The following NDST3 variants were observed in gnomAD, a reference collection of about 807,000 sequenced individuals.
NDST3 encodes the protein bifunctional heparan sulfate N-deacetylase/N-sulfotransferase 3.
NDST3 carries 58 observed loss-of-function variants against 96.1 expected under a neutral mutation model. That is an observed-to-expected ratio of 0.60 (90% confidence interval 0.49 to 0.75). The LOEUF (loss-of-function observed/expected upper bound fraction) is 0.75. Among genes scored for constraint, NDST3 ranks in the 30% least tolerant of loss-of-function variants. NDST3 has a pLI of 0.00. For missense variants in NDST3, 788 were observed against 1,034.2 expected (o/e 0.76, Z 3.27); for synonymous variants, 333 against 359.7 (o/e 0.93, Z 0.84).
chr4:118,048,936 G>A lies in NDST3; in HGVS notation c.-155-4820G>A, dbSNP rs1196826197. Among the ~76,000 whole-genome samples, 3 of 152,146 alleles carry A rather than the reference G, an allele frequency of 2.0e-5. No homozygotes were observed. In the South Asian group the frequency reaches 6.2e-4, roughly 32 times the overall value. Reference sequence around the variant, plus strand: ...CACAAAATACACATATTTTTCATCTGCACATAAAACATATTCTAAGACTGA... The same window carrying A: ...CACAAAATACACATATTTTTCATCTACACATAAAACATATTCTAAGACTGA... On this transcript the variant is annotated intron_variant, in intron 1 of 13. Coordinates refer to ENST00000296499, the MANE Select transcript of NDST3 (RefSeq NM_004784.3).
At chr4:118,233,276 A>G in intron 9 of NDST3, 141 bp downstream of exon 9, 1 of 685,780 alleles carries the variant, frequency 1.5e-6, no homozygotes, top group Non-Finnish European at 2.1e-6. Context: ...TGAATATCAT[A>G]AAGGGGCTCA....
At chr4:118,130,160 T>A (rs902872391) in intron 4 of NDST3, among the ~76,000 whole-genome samples, 1 of 152,116 alleles carries the variant, frequency 6.6e-6, no homozygotes, top group Non-Finnish European at 1.5e-5. Flanking sequence ...TGTCTTTTGA[T>A]CAGAGAGTTT....
intron 6 of NDST3, among the ~76,000 whole-genome samples, chr4:118,198,262 T>C (rs539410377): frequency 8.5e-5 from 13 of 152,322 alleles, no homozygotes; most frequent in Admixed American, 7.8e-4. Context: ...TGTCTTTCTT[T>C]TTGCGAAGGT....
At chr4:118,094,440 C>G (rs1729129650) in intron 2 of NDST3, among the ~76,000 whole-genome samples, 1 of 151,762 alleles carries the variant, frequency 6.6e-6, no homozygotes, top group Admixed American at 6.6e-5. Context: ...TTTGTCTGAG[C>G]CCTTCTTTTT....
chr4:118,244,870 G>A (rs189295428), intron 12 of NDST3, among the ~76,000 whole-genome samples: 9 of 152,172 alleles, frequency 5.9e-5, no homozygotes, highest in Non-Finnish European at 1.2e-4. Flanking sequence ...GTTATCATGG[G>A]TGTTAAATGA....
At chr4:118,220,599 G>A (rs897227234) in intron 6 of NDST3, among the ~76,000 whole-genome samples, 11 of 151,882 alleles carry the variant, frequency 7.2e-5, no homozygotes, top group South Asian at 2.1e-4. Context: ...CTTGTATCCC[G>A]GAACTTAAAG....
In NDST3 at chr4:118,174,895, T is replaced by C. The variant is rs559884288; in HGVS notation, c.1539+31211T>C. Among the ~76,000 whole-genome samples the C allele has an allele frequency of 3.7e-4, 56 of 152,268 alleles. No individual in the cohort carries two copies. In the South Asian group the frequency reaches 0.011, roughly 30 times the overall value. ...TCTTGCCTGCCTCTCCACTGTCACC[T>C]ATAATTTTGTCATTTCTTTTGCTCT... On this transcript the variant is annotated intron_variant, in intron 6 of 13. Coordinates refer to ENST00000296499, the MANE Select transcript of NDST3 (RefSeq NM_004784.3).
At chr4:118,251,190 A>G (rs984501002) in intron 12 of NDST3, among the ~76,000 whole-genome samples, 6 of 142,652 alleles carry the variant, frequency 4.2e-5, no homozygotes, top group Admixed American at 1.5e-4. Context: ...GCAGTGGCAC[A>G]ATCTCGGCTC....
At chr4:118,143,008 T>C (rs1291896492) in intron 5 of NDST3, among the ~76,000 whole-genome samples, 1 of 152,196 alleles carries the variant, frequency 6.6e-6, no homozygotes, top group Non-Finnish European at 1.5e-5. Flanking sequence ...GTAATTACTA[T>C]AGCCTGCAGT....
chr4:118,142,860 T>A lies in NDST3; in HGVS notation c.1411-696T>A, dbSNP rs191302295. 6.1e-3 allele frequency among the ~76,000 whole-genome samples: 933 copies of A among 152,294 alleles called. 18 individuals are homozygous for A. The highest frequency in any genetic ancestry group is 0.021 in the African/African-American group (888 of 41,568). ...ATATAATTGAAGCAGATAATACATA[T>A]ATACAAAGGATGAAGAGAAGACCTC... On this transcript the variant is annotated intron_variant, in intron 5 of 13. Coordinates refer to ENST00000296499, the MANE Select transcript of NDST3 (RefSeq NM_004784.3).
chr4:118,155,045 G>T (rs1734634712), intron 6 of NDST3, among the ~76,000 whole-genome samples: 2 of 152,136 alleles, frequency 1.3e-5, no homozygotes, highest in African/African-American at 2.4e-5. Context: ...TACGAATAAA[G>T]AACTATGTTC....
intron 4 of NDST3, among the ~76,000 whole-genome samples, chr4:118,135,177 C>T (rs1021678153): frequency 8.5e-5 from 13 of 152,226 alleles, no homozygotes; most frequent in African/African-American, 2.9e-4. Flanking sequence ...TTAAAAGCAG[C>T]CCCCTACTAA....
At chr4:118,255,261 A>G (rs1332862308) in intron 13 of NDST3, among the ~76,000 whole-genome samples, 1 of 152,142 alleles carries the variant, frequency 6.6e-6, no homozygotes, top group Non-Finnish European at 1.5e-5. Flanking sequence ...TATTGGGTTT[A>G]TTTAAGGGAG....
intron 6 of NDST3, among the ~76,000 whole-genome samples, chr4:118,191,589 T>C (rs183231643): frequency 1.3e-5 from 2 of 152,280 alleles, no homozygotes; most frequent in East Asian, 3.9e-4. Flanking sequence ...CTACTTAATT[T>C]TTGTGGGTAT....
At chr4:118,229,651 G>A (rs1216721382) in intron 8 of NDST3, among the ~76,000 whole-genome samples, 2 of 152,068 alleles carry the variant, frequency 1.3e-5, no homozygotes, top group African/African-American at 4.8e-5. Context: ...TATTAAAAGT[G>A]AACAAATGTA....
intron 1 of NDST3, among the ~76,000 whole-genome samples, chr4:118,042,746 G>C (rs1724538831): frequency 6.6e-6 from 1 of 152,142 alleles, no homozygotes; most frequent in African/African-American, 2.4e-5. Flanking sequence ...CCTTGCCAGG[G>C]AGTTTTGCCT....
At chr4:118,134,372 C>G (rs1267463576) in intron 4 of NDST3, among the ~76,000 whole-genome samples, 1 of 152,154 alleles carries the variant, frequency 6.6e-6, no homozygotes, top group African/African-American at 2.4e-5. Context: ...TAGACAGTCA[C>G]ATAATCATAT....
chr4:118,237,125 G>C lies in NDST3; in HGVS notation c.2023G>C (p.Glu675Gln). The C allele has an allele frequency of 6.2e-7, 1 of 1,613,414 alleles. No homozygotes were observed. Among genetic ancestry groups the C allele is most frequent in the Non-Finnish European group, 8.5e-7 (1 of 1,179,612 alleles). ...FEKSANYFHS[E>Q]EAPKRAASLV... is the part of the protein sequence containing the mutation. ...GAAGAGTGCCAATTACTTCCACTCA[G>C]AGGAAGCCCCTAAAAGAGCTGCTTC... The change falls in exon 10 of 14, where the codon GAG (glutamate) becomes CAG (glutamine). Residue 675 changes from glutamate (E) to glutamine (Q), a missense_variant. Coordinates refer to ENST00000296499, the MANE Select transcript of NDST3 (RefSeq NM_004784.3).
chr4:118,168,445 CA>C (rs1181219995), intron 6 of NDST3, among the ~76,000 whole-genome samples: 1 of 151,804 alleles, frequency 6.6e-6, no homozygotes, highest in Non-Finnish European at 1.5e-5. Context: ...TACATACATA[CA>C]AAAGTCACTA....
Sources: allele counts gnomAD v4.1 joint callset (sites outside exome capture counted in the v4.1 genomes callset), GRCh38; gene constraint gnomAD v4.1.1; transcripts MANE v1.5; gene names NCBI Gene and HGNC (gene_info 2026-07-23, HGNC 2026-07-21).